The following TACC1 variants were observed in gnomAD, a reference collection of about 807,000 sequenced individuals.
TACC1 encodes the protein transforming acidic coiled-coil-containing protein 1.
A neutral mutation model predicts 84.4 loss-of-function variants in TACC1; 48 were observed. The ratio of observed to expected loss-of-function variants is 0.57; its 90% CI spans 0.45 to 0.72. The LOEUF (loss-of-function observed/expected upper bound fraction) is 0.72, where lower values mean the gene tolerates loss of function less well. Ranked by LOEUF, TACC1 falls within the 30% of genes least tolerant of loss-of-function variation. The pLI, the probability that TACC1 is intolerant of heterozygous loss-of-function variation, is 0.00. For missense variants in TACC1, 920 were observed against 973.0 expected, an observed-to-expected ratio of 0.95 and a Z score of 0.72; for synonymous variants, 372 against 376.3, an observed-to-expected ratio of 0.99 and a Z score of 0.13.
chr8:38,730,350 A>C (rs1477933630), intron 1 of TACC1, among the ~76,000 whole-genome samples: 1 of 152,250 alleles, frequency 6.6e-6, no homozygotes, highest in African/African-American at 2.4e-5. Context: ...CTGACATTAC[A>C]ACTCGGCCTC....
chr8:38,832,934 G>T (rs1368798016), intron 6 of TACC1, among the ~76,000 whole-genome samples: 5 of 152,178 alleles, frequency 3.3e-5, no homozygotes, highest in African/African-American at 1.2e-4. Flanking sequence ...AGTCCATTGA[G>T]TTCTGTTGTC....
upstream of TACC1, among the ~76,000 whole-genome samples, chr8:38,783,990 A>G (rs1816646741): frequency 6.6e-6 from 1 of 152,220 alleles, no homozygotes; most frequent in Non-Finnish European, 1.5e-5. Context: ...TCTTGATTAG[A>G]CATCATCATG....
chr8:38,740,799 C>T (rs1806907899), intron 1 of TACC1, among the ~76,000 whole-genome samples: 1 of 152,200 alleles, frequency 6.6e-6, no homozygotes, highest in Non-Finnish European at 1.5e-5. Context: ...CATTTTAGTG[C>T]AATTCTGATC....
intron 3 of TACC1, among the ~76,000 whole-genome samples, chr8:38,773,516 A>G (rs554096580): frequency 6.6e-6 from 1 of 151,176 alleles, no homozygotes; most frequent in South Asian, 2.1e-4. Context: ...AAACATACAT[A>G]TTGTCTTTTG....
chr8:38,821,606 C>G (rs2152220903), intron 3 of TACC1, among the ~76,000 whole-genome samples: 1 of 152,248 alleles, frequency 6.6e-6, no homozygotes, highest in Middle Eastern at 3.4e-3. Context: ...TAGTCAATCC[C>G]CCATCTCTCC....
At chr8:38,782,808 A>G (rs1339209595), upstream of TACC1, among the ~76,000 whole-genome samples, 2 of 152,152 alleles carry the variant, frequency 1.3e-5, no homozygotes, top group Admixed American at 1.3e-4. Flanking sequence ...CTTGTTTTCA[A>G]CTTTGGATTT....
At chr8:38,840,864 A>G (rs1831133535) in intron 9 of TACC1, among the ~76,000 whole-genome samples, 1 of 152,146 alleles carries the variant, frequency 6.6e-6, no homozygotes, top group South Asian at 2.1e-4. Flanking sequence ...AGCCTGACCA[A>G]CATGGAGAAA....
intron 1 of TACC1, among the ~76,000 whole-genome samples, chr8:38,738,473 A>C (rs1018612119): frequency 2.6e-5 from 4 of 152,144 alleles, no homozygotes; most frequent in African/African-American, 9.7e-5. Context: ...TATTTGTTTA[A>C]TCACTAACTT....
intron 2 of TACC1, among the ~76,000 whole-genome samples, chr8:38,804,288 G>A (rs1053876842): frequency 3.3e-5 from 5 of 151,944 alleles, no homozygotes; most frequent in African/African-American, 1.2e-4. Context: ...CCCACTGTTA[G>A]CACTGTTGCA....
chr8:38,769,088 G>GGTGT (rs369153863), intron 3 of TACC1, among the ~76,000 whole-genome samples: 5 of 146,226 alleles, frequency 3.4e-5, no homozygotes, highest in East Asian at 4.1e-4. Context: ...GTGACTGTGT[G>GGTGT]GTGTGTGTGT....
At chr8:38,791,106 G>T (rs189233111) in intron 2 of TACC1, among the ~76,000 whole-genome samples, 77 of 151,996 alleles carry the variant, frequency 5.1e-4, no homozygotes, top group African/African-American at 1.8e-3. Flanking sequence ...CAGCTTGGGC[G>T]GCCCTTCCTC....
At chr8:38,809,474 C>T (rs1181967686) in intron 2 of TACC1, among the ~76,000 whole-genome samples, 1 of 152,104 alleles carries the variant, frequency 6.6e-6, no homozygotes, top group East Asian at 1.9e-4. Context: ...TTTGCCCCAT[C>T]ACTGATTGGT....
chr8:38,823,108 G>A lies in TACC1; in HGVS notation c.1392-2200G>A, dbSNP rs12334719. Among the ~76,000 whole-genome samples, 277 of 152,274 alleles carry A rather than the reference G, an allele frequency of 1.8e-3. 3 individuals are homozygous for A. Among genetic ancestry groups the A allele is most frequent in the African/African-American group, 6.1e-3 (252 of 41,546 alleles). On this transcript the variant is annotated intron_variant, in intron 3 of 12. Coordinates refer to ENST00000317827, the MANE Select transcript of TACC1 (RefSeq NM_006283.3). The stretch of plus-strand genomic sequence containing the variant: ...TTAAAGAAAAACTCCAGATATCATG[G>A]TGACTTACAGCAGAAAGGAAGACGC...
intron 2 of TACC1, among the ~76,000 whole-genome samples, chr8:38,814,292 T>G (rs1563715575): frequency 6.6e-6 from 1 of 152,348 alleles, no homozygotes; most frequent in East Asian, 1.9e-4. Context: ...GGTCAGAATT[T>G]TATGCAGTGA....
chr8:38,742,493 T>C, intron 2 of TACC1: 1 of 1,441,272 alleles, frequency 6.9e-7, no homozygotes, highest in Non-Finnish European at 9.3e-7. Flanking sequence ...GGGATGGATT[T>C]TAAAGTAAAA....
chr8:38,849,871 G>A lies in TACC1; in HGVS notation c.*1848G>A, dbSNP rs1832861242. 6.6e-6 allele frequency: 1 copy of A among 152,620 alleles called. No individual in the cohort carries two copies. The highest frequency in any genetic ancestry group is 6.5e-5 in the Admixed American group (1 of 15,282). 9.5% of individuals were successfully genotyped at this position (152,620 alleles called of 1,614,324 possible). The stretch of plus-strand genomic sequence containing the variant: ...GCTGTCCTAGTGGTCATAGTACCAA[G>A]GGCACGTGTCTCCCCTTGGTATAAC... On this transcript the variant is annotated 3_prime_UTR_variant, in exon 13 of 13. Coordinates refer to ENST00000317827, the MANE Select transcript of TACC1 (RefSeq NM_006283.3).
chr8:38,807,011 A>T (rs768559881), intron 2 of TACC1, among the ~76,000 whole-genome samples: 3 of 152,214 alleles, frequency 2.0e-5, no homozygotes, highest in Non-Finnish European at 2.9e-5. Context: ...AATTCAGGAA[A>T]ATGCTAAAGT....
intron 6 of TACC1, among the ~76,000 whole-genome samples, chr8:38,835,147 G>A (rs1198834856): frequency 2.0e-5 from 3 of 151,782 alleles, no homozygotes; most frequent in Non-Finnish European, 4.4e-5. Flanking sequence ...CCAGCTACTC[G>A]GGAGGCTGAG....
chr8:38,737,634 C>T (rs1806215416), intron 1 of TACC1, among the ~76,000 whole-genome samples: 1 of 151,990 alleles, frequency 6.6e-6, no homozygotes, highest in Non-Finnish European at 1.5e-5. Flanking sequence ...AACCCACCTC[C>T]CAAATAGGGC....
Sources: gnomAD v4.1 joint callset for allele counts (sites outside exome capture counted in the v4.1 genomes callset) on GRCh38, gnomAD v4.1.1 for gene constraint, MANE v1.5 for transcripts, NCBI Gene and HGNC (gene_info 2026-07-23, HGNC 2026-07-21) for gene names.